The following RFX3 variants were observed in gnomAD, a reference collection of about 807,000 sequenced individuals.
The protein encoded by RFX3 is regulatory factor X3.
Under a neutral mutation model 98.6 loss-of-function variants are expected in RFX3, and 14 were observed. The observed-to-expected ratio is 0.14, with a 90% CI of 0.09 to 0.22. The LOEUF (loss-of-function observed/expected upper bound fraction) is 0.22, where lower values mean the gene tolerates loss of function less well. Among genes scored for constraint, RFX3 ranks in the 10% least tolerant of loss-of-function variants. The pLI, the probability that RFX3 is intolerant of heterozygous loss-of-function variation, is 1.00. For synonymous variants in RFX3, 383 were observed against 328.4 expected, an observed-to-expected ratio of 1.17 and a Z score of -1.80; for missense variants, 639 against 926.9, an observed-to-expected ratio of 0.69 and a Z score of 4.03.
At position 3,505,285 on chromosome 9, in the gene RFX3, T is replaced by TAAAATA. The variant is rs1564187090; in HGVS notation, c.-9+20461_-9+20462insTATTTT. On this transcript the variant is annotated intron_variant, in intron 1 of 16. Transcript: ENST00000617270. Reference sequence around the variant, plus strand: ...ATTTATATATATATGAATATATACATTTTTATATTTATATATATATAAATA... The same window carrying TAAAATA: ...ATTTATATATATATGAATATATACATAAAATATTTTATATTTATATATATATAAATA... Among the ~76,000 whole-genome samples the TAAAATA allele has an allele frequency of 5.2e-3, 309 of 59,754 alleles. 45 individuals are homozygous for TAAAATA. The highest frequency in any genetic ancestry group is 0.036 in the East Asian group (49 of 1,370). The allele number at this position is 59,754 out of a possible 152,430, so 39.2% of individuals were successfully genotyped here.
intron 1 of RFX3, among the ~76,000 whole-genome samples, chr9:3,479,174 T>C (rs1312674140): frequency 6.6e-6 from 1 of 152,182 alleles, no homozygotes; most frequent in African/African-American, 2.4e-5. Flanking sequence ...CAAGATTCAC[T>C]AGTTTTCTCT....
intron 1 of RFX3, among the ~76,000 whole-genome samples, chr9:3,409,151 A>C (rs1842245987): frequency 6.6e-6 from 1 of 152,226 alleles, no homozygotes; most frequent in South Asian, 2.1e-4. Flanking sequence ...CTAGGCCAAC[A>C]ACTTTTGGGG....
chr9:3,490,522 G>A (rs1481721765), intron 1 of RFX3, among the ~76,000 whole-genome samples: 1 of 151,966 alleles, frequency 6.6e-6, no homozygotes, highest in African/African-American at 2.4e-5. Flanking sequence ...ATTTTTAGAT[G>A]TTTCTGATTT....
At chr9:3,316,356 G>T (rs959947823) in intron 4 of RFX3, among the ~76,000 whole-genome samples, 14 of 150,754 alleles carry the variant, frequency 9.3e-5, no homozygotes, top group African/African-American at 3.5e-4. Flanking sequence ...CAATAAACTA[G>T]GTATTGATGG....
chr9:3,287,341 T>C (rs1826753175), intron 7 of RFX3, among the ~76,000 whole-genome samples: 1 of 151,862 alleles, frequency 6.6e-6, no homozygotes, highest in African/African-American at 2.4e-5. Context: ...AGAAAAATCA[T>C]AACTTCTGTC....
chr9:3,461,222 C>A (rs1249721421), intron 1 of RFX3, among the ~76,000 whole-genome samples: 1 of 151,758 alleles, frequency 6.6e-6, no homozygotes, highest in Non-Finnish European at 1.5e-5. Context: ...ATTTTCATCA[C>A]AAAAAAATAT....
At chr9:3,442,905 A>C (rs2132712213) in intron 1 of RFX3, among the ~76,000 whole-genome samples, 1 of 152,320 alleles carries the variant, frequency 6.6e-6, no homozygotes, top group African/African-American at 2.4e-5. Flanking sequence ...TCAAAATTAA[A>C]ATTTTCTGCT....
intron 4 of RFX3, among the ~76,000 whole-genome samples, chr9:3,305,651 C>T (rs991419504): frequency 6.6e-6 from 1 of 151,964 alleles, no homozygotes; most frequent in East Asian, 1.9e-4. Context: ...ACTAATGTCA[C>T]TCCTACGAAT....
intron 15 of RFX3, among the ~76,000 whole-genome samples, chr9:3,235,858 A>G (rs897072135): frequency 6.6e-6 from 1 of 152,136 alleles, no homozygotes; most frequent in Non-Finnish European, 1.5e-5. Flanking sequence ...AAATTCAACC[A>G]ATTAGCAACC....
intron 1 of RFX3, among the ~76,000 whole-genome samples, chr9:3,448,892 C>G (rs1333030783): frequency 6.6e-6 from 1 of 152,156 alleles, no homozygotes; most frequent in East Asian, 1.9e-4. Context: ...TTTCTTTTAA[C>G]CAATTCAACC....
chr9:3,351,047 T>C (rs973157594), intron 2 of RFX3, among the ~76,000 whole-genome samples: 3 of 151,602 alleles, frequency 2.0e-5, no homozygotes, highest in Admixed American at 6.6e-5. Flanking sequence ...TTCAAAACCA[T>C]AGAATGCACA....
intron 2 of RFX3, among the ~76,000 whole-genome samples, chr9:3,372,734 C>T (rs1838006357): frequency 6.6e-6 from 1 of 151,600 alleles, no homozygotes; most frequent in Non-Finnish European, 1.5e-5. Flanking sequence ...TACAGGTGCC[C>T]GCCACCACAC....
At chr9:3,234,926 A>T (rs968376608) in intron 15 of RFX3, among the ~76,000 whole-genome samples, 1 of 152,262 alleles carries the variant, frequency 6.6e-6, no homozygotes, top group Non-Finnish European at 1.5e-5. Flanking sequence ...TATGGGCATC[A>T]ACTGATGAAG....
chr9:3,277,271 T>C (rs1366670318), intron 8 of RFX3, 69 bp downstream of exon 8: 12 of 1,526,140 alleles, frequency 7.9e-6, no homozygotes, highest in Non-Finnish European at 1.1e-5. Flanking sequence ...TAATAGACAT[T>C]GCACTTGGAG....
At chr9:3,245,640 G>A (rs914296615) in intron 15 of RFX3, among the ~76,000 whole-genome samples, 5 of 152,174 alleles carry the variant, frequency 3.3e-5, no homozygotes, top group Admixed American at 6.5e-5. Flanking sequence ...TGGGAGGATC[G>A]TGGCGCCATT....
Position 3,336,183 on chromosome 9 carries a change from G to A in RFX3, c.216-5666C>T, listed in dbSNP as rs553553669. ...TATAAGGATAGAATATAGATATGGT[G>A]ACCATTATCTCACATGGGTACAACA... On this transcript the variant is annotated intron_variant, in intron 3 of 16. Coordinates refer to ENST00000617270, the MANE Select transcript of RFX3 (RefSeq NM_001282116.2). 2.2e-3 allele frequency among the ~76,000 whole-genome samples: 342 copies of A among 152,218 alleles called. 1 individual carries two copies. The highest frequency in any genetic ancestry group is 7.8e-3 in the African/African-American group (322 of 41,536).
intron 3 of RFX3, among the ~76,000 whole-genome samples, chr9:3,341,291 T>G (rs560610348): frequency 2.0e-5 from 3 of 151,650 alleles, no homozygotes; most frequent in Non-Finnish European, 4.4e-5. Flanking sequence ...CATTAGGAGA[T>G]ATACCTAATG....
chr9:3,447,913 T>C (rs1846190078), intron 1 of RFX3, among the ~76,000 whole-genome samples: 1 of 152,162 alleles, frequency 6.6e-6, no homozygotes, highest in African/African-American at 2.4e-5. Context: ...TGAACAATTT[T>C]AATCAGGCAA....
At chr9:3,311,388 G>T (rs1450513584) in intron 4 of RFX3, among the ~76,000 whole-genome samples, 1 of 152,198 alleles carries the variant, frequency 6.6e-6, no homozygotes, top group African/African-American at 2.4e-5. Flanking sequence ...TCAGCATGTA[G>T]CCACCACTCA....
Sources: allele counts gnomAD v4.1 joint callset (sites outside exome capture counted in the v4.1 genomes callset), GRCh38; gene constraint gnomAD v4.1.1; transcripts MANE v1.5; gene names NCBI Gene and HGNC (gene_info 2026-07-23, HGNC 2026-07-21).